Variants in TMEM204 observed in about 807,000 individuals in gnomAD.
The protein encoded by TMEM204 is claudin-like protein 24.
Under a neutral mutation model 19.4 loss-of-function variants are expected in TMEM204, and 15 were observed. The observed-to-expected ratio is 0.77, with a 90% confidence interval of 0.52 to 1.19. TMEM204 has a LOEUF of 1.19. Ranked by LOEUF, TMEM204 falls within the 50% of genes most tolerant of loss-of-function variation. The pLI, the probability that TMEM204 is intolerant of heterozygous loss-of-function variation, is 0.00. For missense variants in TMEM204, 287 were observed against 321.2 expected (o/e 0.89, Z 0.81); for synonymous variants, 161 against 146.0 (o/e 1.10, Z -0.74).
At chr16:1,539,339 C>A (rs1443552639) in intron 1 of TMEM204, among the ~76,000 whole-genome samples, 1 of 147,756 alleles carries the variant, frequency 6.8e-6, no homozygotes, top group Non-Finnish European at 1.5e-5. Flanking sequence ...CCACATGGTG[C>A]AAATGCCGCC....
In TMEM204 at chr16:1,553,294, GTCTC is replaced by G. The variant is rs1244777419; in HGVS notation, c.437-1484_437-1481del. The G allele has an allele frequency of 1.0e-6, 1 of 981,870 alleles. No individual in the cohort carries two copies. Among genetic ancestry groups the G allele is most frequent in the Non-Finnish European group, 1.2e-6 (1 of 827,094 alleles). The allele number at this position is 981,870 out of a possible 1,614,324, so 60.8% of individuals were successfully genotyped here. A position where few individuals can be genotyped will look rare whatever the true frequency, so the allele number is the denominator to read the frequency against. On this transcript the variant is annotated intron_variant, in intron 2 of 2. Coordinates refer to ENST00000566264, the MANE Select transcript of TMEM204 (RefSeq NM_024600.6). The surrounding 1 kb of genome is among the most constrained non-coding windows in gnomAD (Gnocchi z 4.4). ...TCTCTGTCTCTCTGTGTCTCTGCCT[GTCTC>G]TCTGTGTCTCTGTCTCTGTGTCTCT...
At chr16:1,541,591 G>T in intron 1 of TMEM204, 1 of 724,270 alleles carries the variant, frequency 1.4e-6, no homozygotes, top group Non-Finnish European at 1.7e-6. Context: ...CCACGCCAGC[G>T]CCTTCAAGGG....
At chr16:1,539,639 G>T (rs868155569) in intron 1 of TMEM204, among the ~76,000 whole-genome samples, 2 of 152,252 alleles carry the variant, frequency 1.3e-5, no homozygotes, top group South Asian at 4.1e-4. Flanking sequence ...CAGTTACTTT[G>T]GAGATGAAGG....
Position 1,540,922 on chromosome 16 carries a change from C to T in TMEM204, c.281-999C>T, listed in dbSNP as rs538236795. 2.8e-5 allele frequency: 28 copies of T among 985,284 alleles called. No homozygotes were observed. In the South Asian group the frequency reaches 9.9e-4, roughly 35 times the overall value. The allele number at this position is 985,284 out of a possible 1,614,324, so 61.0% of individuals were successfully genotyped here. On this transcript the variant is annotated intron_variant, in intron 1 of 2. Coordinates refer to ENST00000566264, the MANE Select transcript of TMEM204 (RefSeq NM_024600.6). The stretch of plus-strand genomic sequence containing the variant: ...ACTCCAGGCTGAGTGTCTGTCAGCA[C>T]ACACATTGTCTGCTCTGCAGCGTGC...
In TMEM204 at chr16:1,536,405, G is replaced by A. The variant is rs528781758; in HGVS notation, c.280+1850G>A. ...GACTGCCTCCTGCTCACCTGCCTGCGTCCACTGCTCCTCCCTGAGCCCTGG... is the reference window on the plus strand; with the variant it reads ...GACTGCCTCCTGCTCACCTGCCTGCATCCACTGCTCCTCCCTGAGCCCTGG... On this transcript the variant is annotated intron_variant, in intron 1 of 2. Coordinates refer to ENST00000566264, the MANE Select transcript of TMEM204 (RefSeq NM_024600.6). Among the ~76,000 whole-genome samples, 13 of 152,240 alleles carry A rather than the reference G, an allele frequency of 8.5e-5. No individual in the cohort carries two copies. The South Asian group carries it at 1.9e-3, about 22-fold the overall frequency.
chr16:1,553,296 C>G lies in TMEM204; in HGVS notation c.437-1486C>G. ...TCTGTCTCTCTGTGTCTCTGCCTGT[C>G]TCTCTGTGTCTCTGTCTCTGTGTCT... On this transcript the variant is annotated intron_variant, in intron 2 of 2. Transcript: ENST00000566264. This position sits in a 1 kb window ranked among gnomAD's most constrained non-coding sequence, Gnocchi z 4.4. 1 of 983,564 alleles carries G rather than the reference C, an allele frequency of 1.0e-6. No homozygotes were observed. Among genetic ancestry groups the G allele is most frequent in the Non-Finnish European group, 1.2e-6 (1 of 828,352 alleles). 60.9% of individuals were successfully genotyped at this position (983,564 alleles called of 1,614,324 possible). A position where few individuals can be genotyped will look rare whatever the true frequency, so the allele number is the denominator to read the frequency against.
intron 2 of TMEM204, among the ~76,000 whole-genome samples, chr16:1,546,434 G>A (rs956202215): frequency 2.6e-5 from 4 of 152,190 alleles, no homozygotes; most frequent in African/African-American, 4.8e-5. Flanking sequence ...GTGCCTGGAC[G>A]AGCCCCCCTT....
At chr16:1,539,164 C>A (rs576731379) in intron 1 of TMEM204, among the ~76,000 whole-genome samples, 1 of 151,998 alleles carries the variant, frequency 6.6e-6, no homozygotes, top group African/African-American at 2.4e-5. Context: ...CCAAGCTGCA[C>A]AGTGCCACGC....
chr16:1,552,350 G>A (rs927412088), intron 2 of TMEM204, among the ~76,000 whole-genome samples: 6 of 150,782 alleles, frequency 4.0e-5, no homozygotes, highest in African/African-American at 9.8e-5. Context: ...CACCCCTCCC[G>A]CTCGCCTCTG....
intron 2 of TMEM204, chr16:1,554,254 A>G: frequency 1.8e-6 from 1 of 564,520 alleles, no homozygotes; most frequent in Non-Finnish European, 2.7e-6. Flanking sequence ...AACTGTCAGA[A>G]GCATAGCTCT....
At chr16:1,544,739 C>G (rs1433955417) in intron 2 of TMEM204, among the ~76,000 whole-genome samples, 1 of 151,886 alleles carries the variant, frequency 6.6e-6, no homozygotes, top group East Asian at 1.9e-4. Flanking sequence ...AGCTCCGCCT[C>G]CCGGGTTCAC....
chr16:1,554,700 T>C (rs2272976), intron 2 of TMEM204, 82 bp from the exon 3 acceptor site: 59,246 of 1,500,740 alleles, frequency 0.039, 2,729 homozygotes, highest in Admixed American at 0.2. Context: ...GGCTGGAACC[T>C]GCTCTAGGAC....
chr16:1,534,620 T>C (rs2141239784), intron 1 of TMEM204, 65 bp downstream of exon 1: 2 of 1,591,176 alleles, frequency 1.3e-6, no homozygotes, highest in Non-Finnish European at 8.5e-7. Flanking sequence ...TGGGAGATGT[T>C]AGGCGCGGAC....
intron 1 of TMEM204, among the ~76,000 whole-genome samples, chr16:1,535,584 A>G (rs1039953631): frequency 6.6e-6 from 1 of 152,174 alleles, no homozygotes; most frequent in Non-Finnish European, 1.5e-5. Context: ...GGTAACACAC[A>G]TCACGTGTGC....
Position 1,534,433 on chromosome 16 carries a change from A to G in TMEM204, c.158A>G (p.Asp53Gly). The G allele has an allele frequency of 6.2e-7, 1 of 1,612,024 alleles. No homozygotes were observed. Residue 53 changes from aspartate to glycine, a missense_variant, in exon 1 of 3, where the codon GAC (aspartate) becomes GGC (glycine). By Grantham distance (94) the Asp-to-Gly change is moderately conservative. Transcript: ENST00000566264. ...CTGTGGAGGTCCTGCTGGCTGGTGGACAGGACCCGGGGAGGGCCGAGCCCT... is the reference window on the plus strand; with the variant it reads ...CTGTGGAGGTCCTGCTGGCTGGTGGGCAGGACCCGGGGAGGGCCGAGCCCT... Reference protein sequence around the residue: ...VGLWRSCWLVDRTRGGPSPGA... With the variant: ...VGLWRSCWLVGRTRGGPSPGA...
chr16:1,534,869 T>G (rs2030905858), intron 1 of TMEM204, among the ~76,000 whole-genome samples: 1 of 152,154 alleles, frequency 6.6e-6, no homozygotes, highest in African/African-American at 2.4e-5. Flanking sequence ...AAGAGATGGG[T>G]ACATTAATCA....
intron 2 of TMEM204, among the ~76,000 whole-genome samples, chr16:1,546,024 C>A (rs563375761): frequency 6.6e-6 from 1 of 152,364 alleles, no homozygotes; most frequent in Admixed American, 6.5e-5. Context: ...TCCACAGACC[C>A]CTAGCTTCTC....
chr16:1,553,839 G>A lies in TMEM204; in HGVS notation c.437-943G>A. The A allele has an allele frequency of 8.2e-7, 1 of 1,213,890 alleles. No homozygotes were observed. The highest frequency in any genetic ancestry group is 1.0e-6 in the Non-Finnish European group (1 of 952,654). The allele number at this position is 1,213,890 out of a possible 1,614,324, so 75.2% of individuals were successfully genotyped here. On this transcript the variant is annotated intron_variant, in intron 2 of 2. Transcript: ENST00000566264. This position sits in a 1 kb window ranked among gnomAD's most constrained non-coding sequence, Gnocchi z 4.4. ...TAGGACGCCCGGCTCCATCGCTGCGGCCACAGTGTCCTGTTATCCTAGTTG... is the reference window on the plus strand; with the variant it reads ...TAGGACGCCCGGCTCCATCGCTGCGACCACAGTGTCCTGTTATCCTAGTTG...
In TMEM204 at chr16:1,534,448, G is replaced by A; in HGVS notation, c.173G>A (p.Gly58Glu). 1.2e-6 allele frequency: 2 copies of A among 1,611,652 alleles called. No homozygotes were observed. The highest frequency in any genetic ancestry group is 2.2e-5 in the South Asian group (2 of 91,042). ...TGGCTGGTGGACAGGACCCGGGGAG[G>A]GCCGAGCCCTGGGGCCAGAGCCGGC... ...SCWLVDRTRG[G>E]PSPGARAGQV... is the part of the protein sequence containing the mutation. Residue 58 changes from glycine to glutamate, a missense_variant, in exon 1 of 3, where the codon GGG (glycine) becomes GAG (glutamate). Coordinates refer to ENST00000566264, the MANE Select transcript of TMEM204 (RefSeq NM_024600.6).
Sources: allele counts gnomAD v4.1 joint callset (sites outside exome capture counted in the v4.1 genomes callset), GRCh38; gene constraint gnomAD v4.1.1; non-coding constraint Gnocchi (gnomAD v3.1); transcripts MANE v1.5; gene names NCBI Gene and HGNC (gene_info 2026-07-23, HGNC 2026-07-21).